KCNQ5: variants seen among roughly 807,000 people sequenced by gnomAD.
KCNQ5 encodes the protein potassium voltage-gated channel subfamily Q member 5, also known as potassium voltage-gated channel subfamily KQT member 5.
Under a neutral mutation model 98.2 loss-of-function variants are expected in KCNQ5, and 30 were observed. That is an observed-to-expected ratio of 0.31 (90% CI 0.23 to 0.41). KCNQ5 has a LOEUF of 0.41. Among genes scored for constraint, KCNQ5 ranks in the 10% least tolerant of loss-of-function variants. KCNQ5 has a pLI of 1.00. For synonymous variants in KCNQ5, 458 were observed against 449.4 expected, an observed-to-expected ratio of 1.02 and a Z score of -0.24; for missense variants, 835 against 1,182.5, an observed-to-expected ratio of 0.71 and a Z score of 4.31.
intron 1 of KCNQ5, among the ~76,000 whole-genome samples, chr6:72,947,846 TA>T (rs1475317613): frequency 6.6e-6 from 1 of 152,138 alleles, no homozygotes; most frequent in African/African-American, 2.4e-5. Context: ...GACATGAAGA[TA>T]GAGAGTTTAT....
chr6:72,921,640 A>G (rs1780405535), intron 1 of KCNQ5, among the ~76,000 whole-genome samples: 1 of 152,212 alleles, frequency 6.6e-6, no homozygotes, highest in Middle Eastern at 3.2e-3. Flanking sequence ...AAGAGAATCT[A>G]CTTCACCAGG....
intron 11 of KCNQ5, among the ~76,000 whole-genome samples, chr6:73,188,237 T>C (rs1765453593): frequency 6.6e-6 from 1 of 152,220 alleles, no homozygotes; most frequent in Non-Finnish European, 1.5e-5. Flanking sequence ...TTGCTTGTTT[T>C]GGGGGGCAAG....
intron 1 of KCNQ5, among the ~76,000 whole-genome samples, chr6:72,646,879 C>A (rs1169643580): frequency 6.6e-6 from 1 of 152,076 alleles, no homozygotes; most frequent in African/African-American, 2.4e-5. Context: ...TCTTACTAAC[C>A]CTATAAAACT....
At chr6:72,892,146 A>G (rs1779080674) in intron 1 of KCNQ5, among the ~76,000 whole-genome samples, 2 of 152,164 alleles carry the variant, frequency 1.3e-5, no homozygotes, top group African/African-American at 4.8e-5. Flanking sequence ...AACCATTAAC[A>G]TTTACTGGGT....
chr6:72,933,039 A>G (rs978040855), intron 1 of KCNQ5, among the ~76,000 whole-genome samples: 1 of 152,218 alleles, frequency 6.6e-6, no homozygotes, highest in Non-Finnish European at 1.5e-5. Context: ...ACAGGTTTGA[A>G]CATAAAAAAC....
At chr6:73,031,215 T>C (rs1190479932) in intron 2 of KCNQ5, among the ~76,000 whole-genome samples, 1 of 152,106 alleles carries the variant, frequency 6.6e-6, no homozygotes, top group Non-Finnish European at 1.5e-5. Flanking sequence ...TAACAACAAA[T>C]GAAAATAAAA....
At chr6:72,656,740 A>G (rs1301497206) in intron 1 of KCNQ5, among the ~76,000 whole-genome samples, 1 of 152,140 alleles carries the variant, frequency 6.6e-6, no homozygotes, top group Non-Finnish European at 1.5e-5. Flanking sequence ...GGGTTTCTCC[A>G]CCACACAAAT....
At chr6:72,972,772 G>C (rs1767966169) in intron 1 of KCNQ5, among the ~76,000 whole-genome samples, 1 of 152,114 alleles carries the variant, frequency 6.6e-6, no homozygotes, top group Non-Finnish European at 1.5e-5. Context: ...AAATTAAAAA[G>C]AGTAAAATAA....
At position 72,683,352 on chromosome 6, in the gene KCNQ5, A is replaced by T. The variant is rs74696568; in HGVS notation, c.398+60765A>T. ...TGGGAGCTTGAAGCAAGTGCTTGTT[A>T]GCCACATATACTTTTTTTTTTTTTT... On this transcript the variant is annotated intron_variant, in intron 1 of 13. Transcript: ENST00000370398. Among the ~76,000 whole-genome samples the T allele has an allele frequency of 8.4e-3, 1,203 of 144,060 alleles. 8 individuals carry two copies. The highest frequency in any genetic ancestry group is 0.013 in the Non-Finnish European group (901 of 66,882). The allele number at this position is 144,060 out of a possible 152,430, so 94.5% of individuals were successfully genotyped here. A position where few individuals can be genotyped will look rare whatever the true frequency, so the allele number is the denominator to read the frequency against.
chr6:72,973,495 A>AT (rs1768003859), intron 1 of KCNQ5, among the ~76,000 whole-genome samples: 1 of 152,156 alleles, frequency 6.6e-6, no homozygotes, highest in South Asian at 2.1e-4. Context: ...CTTTGAGAAC[A>AT]TTAAATTCCT....
At chr6:72,741,770 T>C (rs1169009624) in intron 1 of KCNQ5, among the ~76,000 whole-genome samples, 2 of 152,088 alleles carry the variant, frequency 1.3e-5, no homozygotes, top group Non-Finnish European at 2.9e-5. Context: ...CACTTACAGA[T>C]CTATGAGAAA....
At chr6:72,660,470 A>C (rs1405903915) in intron 1 of KCNQ5, among the ~76,000 whole-genome samples, 2 of 150,490 alleles carry the variant, frequency 1.3e-5, no homozygotes, top group African/African-American at 2.5e-5. Context: ...AAGGCCAACA[A>C]TAACATGTGC....
intron 6 of KCNQ5, among the ~76,000 whole-genome samples, chr6:73,108,121 C>T (rs1406455798): frequency 6.6e-6 from 1 of 152,142 alleles, no homozygotes; most frequent in Non-Finnish European, 1.5e-5. Context: ...CCATCTTACC[C>T]TCAAAGCAGA....
chr6:72,825,675 C>A (rs1775963618), intron 1 of KCNQ5, among the ~76,000 whole-genome samples: 3 of 152,130 alleles, frequency 2.0e-5, no homozygotes, highest in Non-Finnish European at 4.4e-5. Flanking sequence ...AGAAGCTGAG[C>A]TTGGGAGCAG....
intron 1 of KCNQ5, among the ~76,000 whole-genome samples, chr6:72,945,535 A>G (rs1202162753): frequency 1.3e-5 from 2 of 150,494 alleles, no homozygotes; most frequent in Non-Finnish European, 3.0e-5. Flanking sequence ...GCTCACTGCA[A>G]CCTCTGTCTC....
intron 10 of KCNQ5, among the ~76,000 whole-genome samples, chr6:73,163,934 TC>T (rs1582471260): frequency 1.3e-5 from 2 of 152,106 alleles, no homozygotes; most frequent in East Asian, 3.9e-4. Flanking sequence ...TGATTTAACC[TC>T]CCGCCATTAT....
intron 9 of KCNQ5, chr6:73,124,753 G>C: frequency 1.9e-6 from 1 of 536,384 alleles, no homozygotes; most frequent in Non-Finnish European, 3.3e-6. Flanking sequence ...ATTTGGAGGT[G>C]GGGGAGGAGG....
At chr6:72,671,323 G>A (rs780590685) in intron 1 of KCNQ5, among the ~76,000 whole-genome samples, 3 of 152,150 alleles carry the variant, frequency 2.0e-5, no homozygotes, top group Non-Finnish European at 4.4e-5. Context: ...AGTCTACAGT[G>A]AGGGCTTATA....
chr6:73,193,931 G>A (rs1044972859), intron 13 of KCNQ5, among the ~76,000 whole-genome samples: 2 of 151,258 alleles, frequency 1.3e-5, no homozygotes, highest in African/African-American at 2.4e-5. Context: ...CTACCTCCTG[G>A]GCTCAGTCAA....
Sources: gnomAD v4.1 joint callset for allele counts (sites outside exome capture counted in the v4.1 genomes callset) on GRCh38, gnomAD v4.1.1 for gene constraint, MANE v1.5 for transcripts, NCBI Gene and HGNC (gene_info 2026-07-23, HGNC 2026-07-21) for gene names.